VAMP4: variants seen among roughly 807,000 people sequenced by gnomAD.
The protein encoded by VAMP4 is vesicle associated membrane protein 4, also known as vesicle-associated membrane protein 4.
In VAMP4, 19 loss-of-function variants were observed where a neutral mutation model predicts 23.5. That is an observed-to-expected ratio of 0.81 (90% CI 0.56 to 1.19). The LOEUF is 1.19. Ranked by LOEUF, VAMP4 falls within the 50% of genes most tolerant of loss-of-function variation. The probability of loss-of-function intolerance (pLI) is 0.00; values close to 1 mark genes in which losing one functional copy is unlikely to be tolerated. For synonymous variants in VAMP4, 31 were observed against 51.0 expected (o/e 0.61, Z 1.67); for missense variants, 145 against 168.6 (o/e 0.86, Z 0.78).
At chr1:171,711,580 GTCC>G (rs1459060800) in intron 4 of VAMP4, among the ~76,000 whole-genome samples, 2 of 152,104 alleles carry the variant, frequency 1.3e-5, no homozygotes, top group African/African-American at 4.8e-5. Flanking sequence ...TGTAATAACT[GTCC>G]TCAGCTATCT....
At chr1:171,729,708 G>A (rs1161014601) in intron 2 of VAMP4, among the ~76,000 whole-genome samples, 1 of 152,152 alleles carries the variant, frequency 6.6e-6, no homozygotes, top group East Asian at 1.9e-4. Context: ...TGCACAGGCT[G>A]GAGTGCAGTG....
chr1:171,732,854 A>C (rs1450039607), intron 2 of VAMP4, among the ~76,000 whole-genome samples: 1 of 152,176 alleles, frequency 6.6e-6, no homozygotes, highest in Non-Finnish European at 1.5e-5. Context: ...TGAACATAAG[A>C]CATCAAAAAC....
chr1:171,732,862 A>T (rs1655607442), intron 2 of VAMP4, among the ~76,000 whole-genome samples: 1 of 152,218 alleles, frequency 6.6e-6, no homozygotes, highest in Non-Finnish European at 1.5e-5. Flanking sequence ...AGACATCAAA[A>T]ACAAGGTTAA....
chr1:171,711,435 T>C (rs1301823877), intron 4 of VAMP4, among the ~76,000 whole-genome samples: 1 of 152,068 alleles, frequency 6.6e-6, no homozygotes, highest in Non-Finnish European at 1.5e-5. Flanking sequence ...TATTTTGAAG[T>C]ACCCACCAGG....
In VAMP4 at chr1:171,702,004, C is replaced by G. The variant is rs573398391; in HGVS notation, c.*2502G>C. 6.6e-6 allele frequency: 1 copy of G among 152,136 alleles called. No individual in the cohort carries two copies. Among genetic ancestry groups the G allele is most frequent in the African/African-American group, 2.4e-5 (1 of 41,532 alleles). 9.4% of individuals were successfully genotyped at this position (152,136 alleles called of 1,614,324 possible). A position where few individuals can be genotyped will look rare whatever the true frequency, so the allele number is the denominator to read the frequency against. ...TATTTGCAAAGCTACTTGAATTTTT[C>G]TGTTGATCTTCACTTGTTGTTAAAT... On this transcript the variant is annotated 3_prime_UTR_variant, in exon 8 of 8. Transcript: ENST00000236192.
chr1:171,735,292 A>C (rs920372627), intron 2 of VAMP4, among the ~76,000 whole-genome samples: 5 of 152,250 alleles, frequency 3.3e-5, no homozygotes. Flanking sequence ...TATAAAATTA[A>C]TGGGATTTGC....
In VAMP4 at chr1:171,701,546, GA is replaced by G. The variant is rs1339812858; in HGVS notation, c.*2959del. On this transcript the variant is annotated 3_prime_UTR_variant, in exon 8 of 8. Transcript: ENST00000236192. ...TTACAGGATAGTCACATACTATACA[GA>G]ATTGAAAGATGCCAATTTTTGCTAT... 3 of 152,088 alleles carry G rather than the reference GA, an allele frequency of 2.0e-5. No homozygotes were observed. Among genetic ancestry groups the G allele is most frequent in the Non-Finnish European group, 4.4e-5 (3 of 67,986 alleles). 9.4% of individuals were successfully genotyped at this position (152,088 alleles called of 1,614,324 possible).
chr1:171,705,262 T>C (rs1046446406), intron 7 of VAMP4, among the ~76,000 whole-genome samples: 1 of 152,150 alleles, frequency 6.6e-6, no homozygotes, highest in African/African-American at 2.4e-5. Flanking sequence ...CTATAATTCA[T>C]GCCTGAACAA....
intron 4 of VAMP4, among the ~76,000 whole-genome samples, chr1:171,714,092 C>A (rs972550240): frequency 2.0e-5 from 3 of 152,200 alleles, no homozygotes; most frequent in Non-Finnish European, 4.4e-5. Context: ...CTGAATCCAG[C>A]TACTATGTAA....
chr1:171,712,718 G>A (rs1001339480), intron 4 of VAMP4, among the ~76,000 whole-genome samples: 3 of 152,160 alleles, frequency 2.0e-5, no homozygotes, highest in African/African-American at 7.2e-5. Flanking sequence ...CCCCTAAGTA[G>A]AGAGTTAAAG....
intron 5 of VAMP4, 25 bp from the exon 6 acceptor site, chr1:171,709,769 A>G: frequency 6.4e-7 from 1 of 1,572,074 alleles, no homozygotes; most frequent in Non-Finnish European, 8.8e-7. Context: ...GGATGGAGAG[A>G]AGGATTAAAC....
intron 2 of VAMP4, 115 bp downstream of exon 2, chr1:171,738,234 C>T (rs775902818): frequency 6.3e-5 from 70 of 1,105,256 alleles, no homozygotes; most frequent in Non-Finnish European, 8.0e-5. Context: ...GTCCCAAGTG[C>T]GGCGATTGCA....
chr1:171,726,215 C>A (rs1293088893), intron 3 of VAMP4, among the ~76,000 whole-genome samples: 1 of 151,578 alleles, frequency 6.6e-6, no homozygotes, highest in Non-Finnish European at 1.5e-5. Context: ...CCATGCCTGG[C>A]TAATTTTTGT....
rs1224356384 is a variant in VAMP4 at position 171,701,032 on chromosome 1, C to T, written c.*3474G>A. 2 of 152,108 alleles carry T rather than the reference C, an allele frequency of 1.3e-5. No homozygotes were observed. The highest frequency in any genetic ancestry group is 4.2e-4 in the South Asian group (2 of 4,818). The allele number at this position is 152,108 out of a possible 1,614,324, so 9.4% of individuals were successfully genotyped here. A position where few individuals can be genotyped will look rare whatever the true frequency, so the allele number is the denominator to read the frequency against. Reference sequence around the variant, plus strand: ...CTCAAAGTATTAAAGAGGATCTAAACCCTACATCAATCTAAAGCATTTAGA... The same window carrying T: ...CTCAAAGTATTAAAGAGGATCTAAATCCTACATCAATCTAAAGCATTTAGA... On this transcript the variant is annotated 3_prime_UTR_variant, in exon 8 of 8. Transcript: ENST00000236192.
intron 3 of VAMP4, among the ~76,000 whole-genome samples, chr1:171,727,779 T>C (rs940369983): frequency 1.3e-5 from 2 of 152,274 alleles, no homozygotes; most frequent in Middle Eastern, 6.8e-3. Context: ...AACCCAACTA[T>C]TAACACATGG....
At chr1:171,720,042 T>A (rs1655141137) in intron 3 of VAMP4, among the ~76,000 whole-genome samples, 1 of 151,706 alleles carries the variant, frequency 6.6e-6, no homozygotes, top group Non-Finnish European at 1.5e-5. Flanking sequence ...AAAAAACTGT[T>A]TACTGAAACT....
chr1:171,741,204 T>C (rs1001408383), intron 1 of VAMP4, among the ~76,000 whole-genome samples: 9 of 152,226 alleles, frequency 5.9e-5, no homozygotes, highest in South Asian at 2.1e-4. Context: ...TAAATGTCTA[T>C]GTGTGCGTTT....
At chr1:171,709,382 TTTAAG>T (rs963738856) in intron 6 of VAMP4, among the ~76,000 whole-genome samples, 1 of 152,200 alleles carries the variant, frequency 6.6e-6, no homozygotes, top group African/African-American at 2.4e-5. Flanking sequence ...GTATATTTGT[TTTAAG>T]TTAATAAGTT....
In VAMP4 at chr1:171,738,195, C is replaced by T. The variant is rs541575813; in HGVS notation, c.66+154G>A. Among the ~76,000 whole-genome samples the T allele has an allele frequency of 3.3e-5, 5 of 152,328 alleles. No individual in the cohort carries two copies. The South Asian group carries it at 1.0e-3, about 32-fold the overall frequency. On this transcript the variant is annotated intron_variant, in intron 2 of 7. Transcript: ENST00000236192. The stretch of plus-strand genomic sequence containing the variant: ...CTGGGTTGTCCAAGACAGTCTTGAA[C>T]TTCTGGGCTCAAGCTATTCTGCTTC...
Sources: allele counts gnomAD v4.1 joint callset (sites outside exome capture counted in the v4.1 genomes callset), GRCh38; gene constraint gnomAD v4.1.1; transcripts MANE v1.5; gene names NCBI Gene and HGNC (gene_info 2026-07-23, HGNC 2026-07-21).